The following AGBL4 variants were observed in gnomAD, a reference collection of about 807,000 sequenced individuals.
The protein encoded by AGBL4 is AGBL carboxypeptidase 4.
AGBL4 carries 58 observed loss-of-function variants against 66.4 expected under a neutral mutation model. The observed-to-expected ratio is 0.87, with a 90% CI of 0.71 to 1.09. The LOEUF (loss-of-function observed/expected upper bound fraction) is 1.09, where lower values mean the gene tolerates loss of function less well. Among genes scored for constraint, AGBL4 ranks in the 50% least tolerant of loss-of-function variants. AGBL4 has a pLI of 0.00. For synonymous variants in AGBL4, 234 were observed against 222.9 expected, an observed-to-expected ratio of 1.05 and a Z score of -0.44; for missense variants, 579 against 631.0, an observed-to-expected ratio of 0.92 and a Z score of 0.88.
intron 5 of AGBL4, among the ~76,000 whole-genome samples, chr1:48,905,616 AGT>A (rs1325309930): frequency 6.6e-6 from 1 of 152,208 alleles, no homozygotes; most frequent in Non-Finnish European, 1.5e-5. Context: ...AGTAAGTGTT[AGT>A]GTTATCTCCT....
chr1:49,847,961 A>G (rs1238448265), intron 2 of AGBL4, among the ~76,000 whole-genome samples: 1 of 152,238 alleles, frequency 6.6e-6, no homozygotes, highest in East Asian at 1.9e-4. Context: ...TGGGCCTCCC[A>G]AATTGCTGGG....
At chr1:49,874,276 G>C (rs556438270) in intron 1 of AGBL4, among the ~76,000 whole-genome samples, 3 of 152,122 alleles carry the variant, frequency 2.0e-5, no homozygotes, top group African/African-American at 4.8e-5. Context: ...TGCAGTCTTG[G>C]AGTAGGCAAA....
intron 3 of AGBL4, among the ~76,000 whole-genome samples, chr1:49,609,901 GT>G (rs1262568331): frequency 2.6e-5 from 4 of 151,978 alleles, no homozygotes; most frequent in African/African-American, 4.8e-5. Context: ...TAATGCTAAA[GT>G]TTTTTTTATA....
chr1:49,928,996 T>G (rs999967799), intron 1 of AGBL4, among the ~76,000 whole-genome samples: 1 of 152,146 alleles, frequency 6.6e-6, no homozygotes, highest in Non-Finnish European at 1.5e-5. Context: ...TAAAAAAGAA[T>G]GAAATCATAT....
intron 2 of AGBL4, among the ~76,000 whole-genome samples, chr1:49,816,181 C>T (rs1018643080): frequency 1.3e-5 from 2 of 152,122 alleles, no homozygotes; most frequent in African/African-American, 4.8e-5. Flanking sequence ...GCATGCTCAG[C>T]TCTTATCATT....
intron 5 of AGBL4, 42 bp from the exon 6 acceptor site, chr1:48,867,272 G>C: frequency 1.2e-6 from 2 of 1,608,760 alleles, no homozygotes; most frequent in South Asian, 1.1e-5. Flanking sequence ...ATTTGAGCCA[G>C]AGCCAAAATT....
intron 6 of AGBL4, among the ~76,000 whole-genome samples, chr1:48,793,702 G>T (rs1053324239): frequency 2.6e-5 from 4 of 152,152 alleles, no homozygotes; most frequent in African/African-American, 9.7e-5. Context: ...GGTAGTAGGA[G>T]CTTATAAAGG....
intron 5 of AGBL4, among the ~76,000 whole-genome samples, chr1:49,016,667 G>C (rs1322832783): frequency 6.6e-6 from 1 of 152,190 alleles, no homozygotes; most frequent in Non-Finnish European, 1.5e-5. Flanking sequence ...AAAGATTCAG[G>C]ATGTGATAGA....
At chr1:49,038,036 C>T (rs1382333687) in intron 5 of AGBL4, among the ~76,000 whole-genome samples, 4 of 151,992 alleles carry the variant, frequency 2.6e-5, no homozygotes, top group Non-Finnish European at 5.9e-5. Context: ...TAAGTGCTAC[C>T]TTCTAAATGA....
At chr1:49,443,068 T>C (rs1646071041) in intron 3 of AGBL4, among the ~76,000 whole-genome samples, 1 of 152,182 alleles carries the variant, frequency 6.6e-6, no homozygotes, top group Non-Finnish European at 1.5e-5. Context: ...GCTGTTTGTG[T>C]GTTTTCTTTT....
chr1:49,164,518 T>C (rs1036067421), intron 4 of AGBL4, among the ~76,000 whole-genome samples: 2 of 152,082 alleles, frequency 1.3e-5, no homozygotes, highest in Admixed American at 6.6e-5. Flanking sequence ...GTATGATAAG[T>C]GACAAAGGCA....
At chr1:48,745,104 C>T (rs1414167233) in intron 6 of AGBL4, among the ~76,000 whole-genome samples, 1 of 152,186 alleles carries the variant, frequency 6.6e-6, no homozygotes, top group African/African-American at 2.4e-5. Flanking sequence ...AAGTTTTACT[C>T]CCTTTAGCAT....
intron 2 of AGBL4, among the ~76,000 whole-genome samples, chr1:49,746,557 A>G (rs1337543231): frequency 6.6e-6 from 1 of 151,956 alleles, no homozygotes; most frequent in African/African-American, 2.4e-5. Flanking sequence ...TTATTTTTAT[A>G]TTTAGAATTC....
At chr1:49,888,020 C>A (rs1242691775) in intron 1 of AGBL4, among the ~76,000 whole-genome samples, 1 of 152,132 alleles carries the variant, frequency 6.6e-6, no homozygotes, top group African/African-American at 2.4e-5. Flanking sequence ...GTGTTTGTTA[C>A]ATAATTTTTT....
chr1:49,168,018 T>C (rs1398206611), intron 4 of AGBL4, among the ~76,000 whole-genome samples: 1 of 152,170 alleles, frequency 6.6e-6, no homozygotes, highest in African/African-American at 2.4e-5. Flanking sequence ...TTTAAAGTAA[T>C]CCAGAGATAA....
In AGBL4 at chr1:48,871,550, A is replaced by G. The variant is rs182051885; in HGVS notation, c.595-4320T>C. ...AGCGTTGGATCAATCAGGAGTAGAT[A>G]TGTGGACTCCTGGCTGTGTATGACC... On this transcript the variant is annotated intron_variant, in intron 5 of 13. Coordinates refer to ENST00000371839, the MANE Select transcript of AGBL4 (RefSeq NM_032785.4). Among the ~76,000 whole-genome samples, 471 of 152,180 alleles carry G rather than the reference A, an allele frequency of 3.1e-3. 3 individuals carry two copies. Among genetic ancestry groups the G allele is most frequent in the African/African-American group, 0.01 (419 of 41,534 alleles).
At chr1:49,524,810 T>C (rs1452589531) in intron 3 of AGBL4, among the ~76,000 whole-genome samples, 2 of 152,000 alleles carry the variant, frequency 1.3e-5, no homozygotes, top group Non-Finnish European at 2.9e-5. Flanking sequence ...GATACTACCT[T>C]ATAACCACTG....
intron 3 of AGBL4, among the ~76,000 whole-genome samples, chr1:49,395,833 A>G (rs144228955): frequency 0.039 from 2,834 of 72,940 alleles, 112 homozygotes; most frequent in African/African-American, 0.14. Flanking sequence ...ATATATGTGT[A>G]TATATATATA....
chr1:48,824,587 A>G (rs989713445), intron 6 of AGBL4, among the ~76,000 whole-genome samples: 8 of 152,164 alleles, frequency 5.3e-5, no homozygotes, highest in Admixed American at 3.3e-4. Flanking sequence ...GATGCAGGTC[A>G]GTGGGAGTTG....
Sources: gnomAD v4.1 joint callset for allele counts (sites outside exome capture counted in the v4.1 genomes callset) on GRCh38, gnomAD v4.1.1 for gene constraint, MANE v1.5 for transcripts, NCBI Gene and HGNC (gene_info 2026-07-23, HGNC 2026-07-21) for gene names.